MED12L: variants seen among roughly 807,000 people sequenced by gnomAD.
MED12L encodes the protein mediator of RNA polymerase II transcription subunit 12-like protein.
Under a neutral mutation model 281.3 loss-of-function variants are expected in MED12L, and 60 were observed. The observed-to-expected ratio is 0.21, with a 90% CI of 0.17 to 0.26. The LOEUF is 0.26. Ranked by LOEUF, MED12L falls within the 10% of genes least tolerant of loss-of-function variation. The probability of loss-of-function intolerance (pLI) is 1.00; values close to 1 mark genes in which losing one functional copy is unlikely to be tolerated. For missense variants in MED12L, 2,146 were observed against 2,680.9 expected (o/e 0.80, Z 4.41); for synonymous variants, 974 against 987.2 (o/e 0.99, Z 0.25).
intron 16 of MED12L, among the ~76,000 whole-genome samples, chr3:151,317,942 A>G (rs924240952): frequency 1.3e-5 from 2 of 152,224 alleles, no homozygotes; most frequent in Non-Finnish European, 2.9e-5. Context: ...GAATAAATCT[A>G]TAATAGGTAT....
chr3:151,156,436 T>C (rs1463115219), intron 6 of MED12L, 106 bp downstream of exon 6: 3 of 1,080,842 alleles, frequency 2.8e-6, no homozygotes, highest in East Asian at 5.2e-5. Context: ...CATGAACCAA[T>C]ACATTCAAAG....
chr3:151,104,878 CTGTCTTCCCCCTG>C (rs1721810870), intron 2 of MED12L, among the ~76,000 whole-genome samples: 1 of 152,196 alleles, frequency 6.6e-6, no homozygotes, highest in Admixed American at 6.5e-5. Context: ...CTTCACATTA[CTGTCTTCCCCCTG>C]TGTCCATCCC....
chr3:151,255,960 A>C (rs1285411200), intron 16 of MED12L, among the ~76,000 whole-genome samples: 1 of 152,212 alleles, frequency 6.6e-6, no homozygotes, highest in African/African-American at 2.4e-5. Flanking sequence ...GTATTTTCTT[A>C]CTATAATGCC....
chr3:151,239,538 T>A (rs1733647508), intron 16 of MED12L, among the ~76,000 whole-genome samples: 1 of 152,202 alleles, frequency 6.6e-6, no homozygotes, highest in Non-Finnish European at 1.5e-5. Context: ...TTGACATAAA[T>A]TTTTTTGAAA....
intron 16 of MED12L, among the ~76,000 whole-genome samples, chr3:151,273,479 G>A (rs1468631041): frequency 1.4e-5 from 2 of 146,238 alleles, no homozygotes; most frequent in African/African-American, 5.0e-5. Flanking sequence ...CTGACCTTGT[G>A]ATCTGCCCAC....
At chr3:151,105,327 T>G (rs2148677320) in intron 2 of MED12L, among the ~76,000 whole-genome samples, 1 of 152,270 alleles carries the variant, frequency 6.6e-6, no homozygotes, top group Admixed American at 6.5e-5. Context: ...CATGTTTGCA[T>G]CTCTCCTCCT....
chr3:151,287,344 G>A (rs1464470173), intron 16 of MED12L, among the ~76,000 whole-genome samples: 1 of 152,162 alleles, frequency 6.6e-6, no homozygotes, highest in Non-Finnish European at 1.5e-5. Context: ...GCTACTGCTG[G>A]GGTTGAGCTA....
At chr3:151,425,731 A>G (rs1415420852) in intron 43 of MED12L, 2 of 456,728 alleles carry the variant, frequency 4.4e-6, no homozygotes, top group Non-Finnish European at 8.8e-6. Context: ...AGAAGTAAAA[A>G]TCCAGAATCC....
chr3:151,198,351 T>G (rs1344819833), intron 16 of MED12L: 9 of 1,100,260 alleles, frequency 8.2e-6, no homozygotes, highest in Admixed American at 2.7e-5. Flanking sequence ...TGTTTTTTTT[T>G]TTTTTATCTT....
At chr3:151,221,699 G>C (rs1729395482) in intron 16 of MED12L, among the ~76,000 whole-genome samples, 1 of 152,230 alleles carries the variant, frequency 6.6e-6, no homozygotes, top group Admixed American at 6.5e-5. Context: ...CTAGATTTCA[G>C]AATATGTGTG....
Position 151,390,031 on chromosome 3 carries a change from C to T in MED12L, c.5504C>T (p.Ser1835Phe), listed in dbSNP as rs758613490. ...GTGCCTCCTAATTACTCGCCTATCTCCTCCCAAATGATGCACCATCCACAG... is the reference window on the plus strand; with the variant it reads ...GTGCCTCCTAATTACTCGCCTATCTTCTCCCAAATGATGCACCATCCACAG... The part of the protein sequence containing the change: ...YRVPPNYSPI[S>F]SQMMHHPQST... Residue 1835 changes from serine (S) to phenylalanine (F), a missense_variant, in exon 38 of 45, where the codon TCC (serine) becomes TTC (phenylalanine). This residue lies in a region of MED12L where 496 missense variants were observed against 512.0 expected (regional missense o/e 0.97). Transcript: ENST00000687756. The T allele has an allele frequency of 1.9e-6, 3 of 1,614,142 alleles. No individual in the cohort carries two copies. The highest frequency in any genetic ancestry group is 4.5e-5 in the East Asian group (2 of 44,880).
intron 43 of MED12L, among the ~76,000 whole-genome samples, chr3:151,419,464 G>A (rs1029249301): frequency 8.5e-5 from 13 of 152,140 alleles, no homozygotes; most frequent in South Asian, 2.1e-4. Flanking sequence ...CTTTATATTC[G>A]CTGGCAGCTG....
At position 151,327,891 on chromosome 3, in the gene MED12L, G is replaced by C. The variant is rs1749839075; in HGVS notation, c.2251-22168G>C. Reference sequence around the variant, plus strand: ...TGTACACGAGGATAATAAAATGTAAGAGAGCATTTGTTCCAATCTTTTTTT... The same window carrying C: ...TGTACACGAGGATAATAAAATGTAACAGAGCATTTGTTCCAATCTTTTTTT... On this transcript the variant is annotated intron_variant, in intron 16 of 44. Coordinates refer to ENST00000687756, the MANE Select transcript of MED12L (RefSeq NM_001393769.1). 4 of 827,980 alleles carry C rather than the reference G, an allele frequency of 4.8e-6. No individual in the cohort carries two copies. In the East Asian group the frequency reaches 1.0e-4, roughly 21 times the overall value. The allele number at this position is 827,980 out of a possible 1,614,324, so 51.3% of individuals were successfully genotyped here.
At chr3:151,193,292 G>A (rs923430177) in intron 15 of MED12L, among the ~76,000 whole-genome samples, 198 bp from the exon 16 acceptor site, 3 of 152,138 alleles carry the variant, frequency 2.0e-5, no homozygotes, top group Non-Finnish European at 4.4e-5. Context: ...ACAAAATGGA[G>A]GGTGATGCTC....
intron 2 of MED12L, among the ~76,000 whole-genome samples, chr3:151,115,327 C>CTTTTTTTTTT (rs66728754): frequency 1.2e-4 from 7 of 60,804 alleles, no homozygotes; most frequent in African/African-American, 3.0e-4. Flanking sequence ...GGAAACAATT[C>CTTTTTTTTTT]TTTTTTTTTT....
At chr3:151,295,209 T>A (rs1744924480) in intron 16 of MED12L, 1 of 1,601,396 alleles carries the variant, frequency 6.2e-7, no homozygotes. Flanking sequence ...TGCAGCTCGT[T>A]ATCTGTAGGA....
intron 16 of MED12L, among the ~76,000 whole-genome samples, chr3:151,203,411 C>CTT (rs35357625): frequency 7.2e-5 from 10 of 139,348 alleles, no homozygotes; most frequent in East Asian, 6.2e-4. Flanking sequence ...AGTACCTAGC[C>CTT]TTTTTTTTTT....
At chr3:151,210,931 C>T (rs964717915) in intron 16 of MED12L, among the ~76,000 whole-genome samples, 6 of 152,324 alleles carry the variant, frequency 3.9e-5, no homozygotes, top group East Asian at 3.9e-4. Context: ...TTGTAAGCCT[C>T]GGTGGGCACC....
chr3:151,239,460 A>G (rs1158707862), intron 16 of MED12L, among the ~76,000 whole-genome samples: 1 of 152,238 alleles, frequency 6.6e-6, no homozygotes, highest in Non-Finnish European at 1.5e-5. Flanking sequence ...AGTGGATATG[A>G]GAATCCAACT....
Sources: gnomAD v4.1 joint callset for allele counts (sites outside exome capture counted in the v4.1 genomes callset) on GRCh38, gnomAD v4.1.1 for gene constraint, gnomAD v4.1.1 regional missense constraint, MANE v1.5 for transcripts, NCBI Gene and HGNC (gene_info 2026-07-23, HGNC 2026-07-21) for gene names.